Variants in NAV3 observed in about 807,000 individuals in gnomAD.
The protein encoded by NAV3 is pore membrane and/or filament interacting like protein 1.
A neutral mutation model predicts 244.7 loss-of-function variants in NAV3; 87 were observed. The observed-to-expected ratio is 0.36, with a 90% CI of 0.30 to 0.42. The LOEUF is 0.42. NAV3 is among the 20% of genes least tolerant of loss of function. The pLI, the probability that NAV3 is intolerant of heterozygous loss-of-function variation, is 1.00. For synonymous variants in NAV3, 1,126 were observed against 1,042.2 expected, an observed-to-expected ratio of 1.08 and a Z score of -1.55; for missense variants, 2,663 against 2,893.3, an observed-to-expected ratio of 0.92 and a Z score of 1.83.
At chr12:78,089,290 A>G (rs1052280299) in intron 12 of NAV3, among the ~76,000 whole-genome samples, 2 of 152,172 alleles carry the variant, frequency 1.3e-5, no homozygotes, top group African/African-American at 4.8e-5. Flanking sequence ...AACAAGGAAA[A>G]AATACATGAT....
intron 2 of NAV3, among the ~76,000 whole-genome samples, chr12:77,724,649 T>A (rs1876795437): frequency 6.6e-6 from 1 of 151,852 alleles, no homozygotes; most frequent in African/African-American, 2.4e-5. Flanking sequence ...CCTCTCTAGA[T>A]CATTTCCTCC....
At chr12:77,787,248 G>C (rs926444295) in intron 2 of NAV3, among the ~76,000 whole-genome samples, 1 of 152,050 alleles carries the variant, frequency 6.6e-6, no homozygotes, top group Non-Finnish European at 1.5e-5. Context: ...TTTTTGAATG[G>C]TTCTGATTTC....
chr12:77,734,026 A>G (rs1877233885), intron 2 of NAV3, among the ~76,000 whole-genome samples: 1 of 151,934 alleles, frequency 6.6e-6, no homozygotes, highest in Non-Finnish European at 1.5e-5. Context: ...GAGAGACTTA[A>G]GGGAAAGAAT....
intron 31 of NAV3, 102 bp downstream of exon 31, chr12:78,185,800 A>G (rs1289840247): frequency 2.1e-6 from 2 of 969,434 alleles, no homozygotes; most frequent in Admixed American, 4.6e-5. Context: ...ATCCTACAAC[A>G]ATTGTGGATT....
intron 2 of NAV3, among the ~76,000 whole-genome samples, chr12:77,755,224 T>C (rs1007784069): frequency 6.6e-6 from 1 of 152,158 alleles, no homozygotes; most frequent in Non-Finnish European, 1.5e-5. Flanking sequence ...TTCTGAAATT[T>C]ATACAGATCA....
intron 3 of NAV3, among the ~76,000 whole-genome samples, chr12:77,942,679 TAAC>T (rs1460880024): frequency 6.6e-6 from 1 of 152,216 alleles, no homozygotes. Context: ...GAAAAATATG[TAAC>T]TTCTTTGAGC....
At chr12:77,773,040 A>G (rs527458956) in intron 2 of NAV3, among the ~76,000 whole-genome samples, 165 of 152,178 alleles carry the variant, frequency 1.1e-3, no homozygotes, top group Non-Finnish European at 2.1e-3. Context: ...TTTAATCATC[A>G]TAAATGACAG....
chr12:77,660,033 G>A (rs1472226380), intron 2 of NAV3, among the ~76,000 whole-genome samples: 1 of 151,682 alleles, frequency 6.6e-6, no homozygotes, highest in Admixed American at 6.6e-5. Flanking sequence ...TGGGTGCAGT[G>A]CACCAGCATG....
chr12:78,099,234 CATATG>C (rs1355007937), intron 12 of NAV3, among the ~76,000 whole-genome samples: 5 of 150,660 alleles, frequency 3.3e-5, no homozygotes, highest in African/African-American at 9.7e-5. Flanking sequence ...TATAATAGTC[CATATG>C]ATATAATTAT....
At chr12:78,148,999 A>G in intron 22 of NAV3, 80 bp downstream of exon 22, 1 of 1,176,714 alleles carries the variant, frequency 8.5e-7, no homozygotes, top group Non-Finnish European at 1.2e-6. Context: ...CAAACTTACA[A>G]ATTTTCAGTG....
Position 77,966,268 on chromosome 12 carries a change from A to G in NAV3, c.454A>G (p.Arg152Gly). Residue 152 changes from arginine (R) to glycine (G), a missense_variant, in exon 4 of 40, where the codon AGA becomes GGA. Arg to Gly is a moderately radical substitution (Grantham distance 125). Coordinates refer to ENST00000397909, the MANE Select transcript of NAV3 (RefSeq NM_001024383.2). ...VDVCLSFLAARGVNVQGLSAE... is the reference protein window; with the variant it reads ...VDVCLSFLAAGGVNVQGLSAE... ...TGTCTGCCTTAGTTTTCTAGCAGCC[A>G]GAGGGGTAAATGTTCAAGGTCTATC... is the stretch of plus-strand genomic sequence containing the variant. The G allele has an allele frequency of 1.2e-6, 2 of 1,613,708 alleles. No individual in the cohort carries two copies. The highest frequency in any genetic ancestry group is 8.5e-7 in the Non-Finnish European group (1 of 1,179,800).
At chr12:77,777,213 G>C (rs1052020053) in intron 2 of NAV3, among the ~76,000 whole-genome samples, 2 of 151,872 alleles carry the variant, frequency 1.3e-5, no homozygotes, top group African/African-American at 4.8e-5. Context: ...TTATAACATA[G>C]GCATACTAGG....
chr12:77,978,809 C>T (rs905726481), intron 5 of NAV3, among the ~76,000 whole-genome samples: 12 of 151,538 alleles, frequency 7.9e-5, no homozygotes, highest in Admixed American at 7.2e-4. Flanking sequence ...CCCAAATGCC[C>T]CTGTCTTTCT....
chr12:77,708,176 G>A (rs1057371182), intron 2 of NAV3, among the ~76,000 whole-genome samples: 5 of 152,078 alleles, frequency 3.3e-5, no homozygotes, highest in African/African-American at 9.7e-5. Flanking sequence ...TTCTTCTAGG[G>A]TTTTTATGGT....
intron 11 of NAV3, among the ~76,000 whole-genome samples, chr12:78,051,725 T>C (rs2137276880): frequency 6.6e-6 from 1 of 152,322 alleles, no homozygotes; most frequent in Non-Finnish European, 1.5e-5. Context: ...ATTGTAAAAC[T>C]CTTAGAGTAT....
intron 9 of NAV3, among the ~76,000 whole-genome samples, chr12:78,030,711 A>G (rs893402277): frequency 6.6e-6 from 1 of 152,188 alleles, no homozygotes; most frequent in Non-Finnish European, 1.5e-5. Flanking sequence ...AGTAAGAAAC[A>G]AATAGATAAA....
intron 1 of NAV3, among the ~76,000 whole-genome samples, chr12:77,843,243 A>G (rs753448873): frequency 2.6e-5 from 4 of 152,078 alleles, no homozygotes; most frequent in Non-Finnish European, 5.9e-5. Context: ...ATTATCTCCA[A>G]CAATATGTTC....
intron 12 of NAV3, among the ~76,000 whole-genome samples, chr12:78,109,127 C>G (rs899252870): frequency 6.6e-6 from 1 of 151,926 alleles, no homozygotes; most frequent in African/African-American, 2.4e-5. Context: ...GACATTACAA[C>G]AGATGCCACA....
Position 78,119,792 on chromosome 12 carries a change from A to G in NAV3, c.3596A>G (p.Lys1199Arg), listed in dbSNP as rs1425656119. 1.9e-6 allele frequency: 3 copies of G among 1,614,106 alleles called. No individual in the cohort carries two copies. Among genetic ancestry groups the G allele is most frequent in the Non-Finnish European group, 1.7e-6 (2 of 1,180,008 alleles). ...CCTGTCACCGTCAACCAAACAGACAAGGAAAAGGAAAAAGTAGCAGTCTCA... is the reference window on the plus strand; with the variant it reads ...CCTGTCACCGTCAACCAAACAGACAGGGAAAAGGAAAAAGTAGCAGTCTCA... Reference protein sequence around the residue: ...SSPVTVNQTDKEKEKVAVSDS... With the variant: ...SSPVTVNQTDREKEKVAVSDS... Residue 1199 changes from lysine (K) to arginine (R), a missense_variant, in exon 15 of 40, where the codon AAG (lysine) becomes AGG (arginine). Transcript: ENST00000397909.
Sources: allele counts gnomAD v4.1 joint callset (sites outside exome capture counted in the v4.1 genomes callset), GRCh38; gene constraint gnomAD v4.1.1; transcripts MANE v1.5; gene names NCBI Gene and HGNC (gene_info 2026-07-23, HGNC 2026-07-21).